Variants in ARIH2 observed in about 807,000 individuals in gnomAD.
ARIH2 encodes ariadne RBR E3 ubiquitin protein ligase 2.
In ARIH2, 12 loss-of-function variants were observed where a neutral mutation model predicts 79.8. The ratio of observed to expected loss-of-function variants is 0.15; its 90% CI spans 0.10 to 0.24. ARIH2 has a LOEUF of 0.24. Among genes scored for constraint, ARIH2 ranks in the 10% least tolerant of loss-of-function variants. The pLI is 1.00. For missense variants in ARIH2, 301 were observed against 618.3 expected (o/e 0.49, Z 5.44); for synonymous variants, 224 against 213.9 (o/e 1.05, Z -0.41).
At chr3:48,948,550 G>T (rs1437389628) in intron 3 of ARIH2, among the ~76,000 whole-genome samples, 1 of 150,520 alleles carries the variant, frequency 6.6e-6, no homozygotes. Flanking sequence ...GGCCTCCCAG[G>T]AGTGCTGGGA....
intron 3 of ARIH2, among the ~76,000 whole-genome samples, chr3:48,951,063 A>T (rs972168551): frequency 2.0e-5 from 3 of 151,604 alleles, no homozygotes; most frequent in Non-Finnish European, 2.9e-5. Flanking sequence ...CCCAGGTTCA[A>T]GTGATCCTTC....
chr3:48,946,304 T>C (rs2089135329), intron 3 of ARIH2, among the ~76,000 whole-genome samples: 1 of 151,740 alleles, frequency 6.6e-6, no homozygotes, highest in South Asian at 2.1e-4. Context: ...AGAACTTGAC[T>C]CCCAAGCAGC....
At chr3:48,949,939 C>A (rs1432999075) in intron 3 of ARIH2, among the ~76,000 whole-genome samples, 1 of 150,522 alleles carries the variant, frequency 6.6e-6, no homozygotes, top group Non-Finnish European at 1.5e-5. Flanking sequence ...TCTTTATTTT[C>A]TTTTTTTAAA....
At chr3:48,953,809 A>G (rs1056110388) in intron 3 of ARIH2, among the ~76,000 whole-genome samples, 2 of 151,418 alleles carry the variant, frequency 1.3e-5, no homozygotes, top group African/African-American at 2.4e-5. Flanking sequence ...CGATCCTCCT[A>G]CCTTAGCCTC....
At chr3:48,953,970 C>T (rs1228959682) in intron 3 of ARIH2, among the ~76,000 whole-genome samples, 2 of 150,466 alleles carry the variant, frequency 1.3e-5, no homozygotes, top group African/African-American at 4.9e-5. Flanking sequence ...TTGAGACCAG[C>T]CTGGCCAACA....
chr3:48,929,850 C>T (rs2086139257), intron 3 of ARIH2, among the ~76,000 whole-genome samples: 2 of 152,122 alleles, frequency 1.3e-5, no homozygotes, highest in South Asian at 4.1e-4. Context: ...GTCCCTGATA[C>T]ATTTTGTTTC....
In ARIH2 at chr3:48,980,494, A is replaced by G; in HGVS notation, c.1255A>G (p.Lys419Glu). The G allele has an allele frequency of 6.2e-7, 1 of 1,613,890 alleles. No homozygotes were observed. The highest frequency in any genetic ancestry group is 8.5e-7 in the Non-Finnish European group (1 of 1,179,840). The change falls in exon 13 of 16, where the codon AAG becomes GAG. Residue 419 changes from lysine to glutamate, a missense_variant and splice_region_variant. This residue lies in a region of ARIH2 where 78 missense variants were observed against 268.9 expected (regional missense o/e 0.29). Transcript: ENST00000356401. ...ACAGAATGCTGCCAAGCTCTTGGCCAAGGTATCTACCACTTCACTCATCTT... is the reference window on the plus strand; with the variant it reads ...ACAGAATGCTGCCAAGCTCTTGGCCGAGGTATCTACCACTTCACTCATCTT... ...YLQNAAKLLA[K>E]CRYTLQYTYP...
At chr3:48,976,815 A>G (rs2107662389) in intron 11 of ARIH2, among the ~76,000 whole-genome samples, 1 of 152,252 alleles carries the variant, frequency 6.6e-6, no homozygotes, top group East Asian at 1.9e-4. Context: ...ATCTCACGAG[A>G]ATCACTTGAA....
chr3:48,936,326 C>T (rs1455291680), intron 3 of ARIH2, among the ~76,000 whole-genome samples: 1 of 152,110 alleles, frequency 6.6e-6, no homozygotes, highest in East Asian at 1.9e-4. Context: ...TTTTGCTCCT[C>T]CTGAAATGTA....
At chr3:48,943,288 A>G (rs1173175477) in intron 3 of ARIH2, 2 of 152,094 alleles carry the variant, frequency 1.3e-5, no homozygotes, top group Admixed American at 6.5e-5. Context: ...AACCTCCTCC[A>G]ACCTATTGTC....
chr3:48,933,925 A>G (rs978051130), intron 3 of ARIH2, among the ~76,000 whole-genome samples: 1 of 152,180 alleles, frequency 6.6e-6, no homozygotes, highest in African/African-American at 2.4e-5. Context: ...TGTTTTTACT[A>G]CATTTCTTCT....
chr3:48,957,450 C>T (rs1285261085), intron 3 of ARIH2, among the ~76,000 whole-genome samples: 1 of 152,176 alleles, frequency 6.6e-6, no homozygotes, highest in Non-Finnish European at 1.5e-5. Context: ...TGTGAGTCAA[C>T]CCTGACCCCT....
chr3:48,951,052 T>G lies in ARIH2; in HGVS notation c.256-10560T>G, dbSNP rs572664617. Among the ~76,000 whole-genome samples the G allele has an allele frequency of 6.4e-4, 97 of 150,484 alleles. 2 individuals are homozygous for G. The South Asian group carries it at 0.021, about 32-fold the overall frequency. On this transcript the variant is annotated intron_variant, in intron 3 of 15. Transcript: ENST00000356401. ...ATCATGGTTCACTGCAACCTCAACC[T>G]CCCAGGTTCAAGTGATCCTTCTACC...
intron 3 of ARIH2, among the ~76,000 whole-genome samples, chr3:48,930,369 G>A (rs1304554432): frequency 6.6e-6 from 1 of 152,150 alleles, no homozygotes; most frequent in East Asian, 1.9e-4. Context: ...TGTAGTCCCA[G>A]CTACTCAGGA....
chr3:48,947,875 T>C (rs1399812007), intron 3 of ARIH2, among the ~76,000 whole-genome samples: 1 of 152,220 alleles, frequency 6.6e-6, no homozygotes, highest in Non-Finnish European at 1.5e-5. Flanking sequence ...TGTCCATCAG[T>C]CAACTCATTT....
chr3:48,961,974 A>G (rs1013483303), intron 4 of ARIH2, among the ~76,000 whole-genome samples: 1 of 152,138 alleles, frequency 6.6e-6, no homozygotes, highest in African/African-American at 2.4e-5. Context: ...TCCCATTGTT[A>G]ATTTTTAATC....
chr3:48,974,924 C>T (rs1370465211), intron 10 of ARIH2, 34 bp from the exon 11 acceptor site: 2 of 1,613,894 alleles, frequency 1.2e-6, no homozygotes, highest in African/African-American at 2.7e-5. Flanking sequence ...GTCAGTGTGC[C>T]CTTAACGTGT....
intron 3 of ARIH2, among the ~76,000 whole-genome samples, chr3:48,941,729 A>C (rs954018758): frequency 6.6e-6 from 1 of 150,930 alleles, no homozygotes; most frequent in Non-Finnish European, 1.5e-5. Context: ...AGTAGCTGGG[A>C]CTACAGGTGC....
At position 48,964,318 on chromosome 3, in the gene ARIH2, A is replaced by AT. The variant is rs572736862; in HGVS notation, c.324-586dup. 6.2e-3 allele frequency among the ~76,000 whole-genome samples: 850 copies of AT among 136,714 alleles called. 16 individuals are homozygous for AT. In the South Asian group the frequency reaches 0.089, roughly 14 times the overall value. 89.7% of individuals were successfully genotyped at this position (136,714 alleles called of 152,430 possible). A position where few individuals can be genotyped will look rare whatever the true frequency, so the allele number is the denominator to read the frequency against. ...CACTGCGCCCAGCCATATATATAGAATTTTTTTTTTTTTTTGAGACAGAAT... is the reference window on the plus strand; with the variant it reads ...CACTGCGCCCAGCCATATATATAGAATTTTTTTTTTTTTTTTGAGACAGAAT... On this transcript the variant is annotated intron_variant, in intron 4 of 15. Coordinates refer to ENST00000356401, the MANE Select transcript of ARIH2 (RefSeq NM_006321.4).
Sources: gnomAD v4.1 joint callset for allele counts (sites outside exome capture counted in the v4.1 genomes callset) on GRCh38, gnomAD v4.1.1 for gene constraint, gnomAD v4.1.1 regional missense constraint, MANE v1.5 for transcripts, NCBI Gene and HGNC (gene_info 2026-07-23, HGNC 2026-07-21) for gene names.